PIK3C2G: variants seen among roughly 807,000 people sequenced by gnomAD.
PIK3C2G encodes phosphatidylinositol-4-phosphate 3-kinase catalytic subunit type 2 gamma.
In PIK3C2G, 168 loss-of-function variants were observed where a neutral mutation model predicts 181.1. The observed-to-expected ratio is 0.93, with a 90% confidence interval of 0.82 to 1.05. The LOEUF (loss-of-function observed/expected upper bound fraction) is 1.05. Ranked by LOEUF, PIK3C2G falls within the 50% of genes least tolerant of loss-of-function variation. The probability of loss-of-function intolerance (pLI) is 0.00; values close to 1 mark genes in which losing one functional copy is unlikely to be tolerated. For synonymous variants in PIK3C2G, 573 were observed against 592.2 expected (o/e 0.97, Z 0.47); for missense variants, 1,869 against 1,732.8 (o/e 1.08, Z -1.40).
intron 12 of PIK3C2G, among the ~76,000 whole-genome samples, chr12:18,370,036 A>T (rs1474476126): frequency 3.3e-5 from 5 of 150,896 alleles, no homozygotes; most frequent in African/African-American, 1.2e-4. Context: ...TTGACATATG[A>T]TCATATAACG....
At chr12:18,656,546 C>G in the PIK3C2G span, among the ~76,000 whole-genome samples, 1 of 152,146 alleles carries the variant, frequency 6.6e-6, no homozygotes, top group African/African-American at 2.4e-5. Context: ...GCCTGGGCGA[C>G]AGAGCGAGAC....
intron 12 of PIK3C2G, among the ~76,000 whole-genome samples, chr12:18,368,597 T>C (rs983767999): frequency 5.9e-5 from 9 of 152,234 alleles, no homozygotes; most frequent in Admixed American, 5.2e-4. Context: ...GTTAAAAATA[T>C]CTGTCGTAAT....
chr12:18,527,498 A>G (rs1159471906), intron 24 of PIK3C2G, among the ~76,000 whole-genome samples: 1 of 152,100 alleles, frequency 6.6e-6, no homozygotes, highest in Non-Finnish European at 1.5e-5. Flanking sequence ...TTCACCTTCA[A>G]CCTGATTTTA....
intron 26 of PIK3C2G, among the ~76,000 whole-genome samples, chr12:18,558,085 T>C (rs537610663): frequency 6.6e-6 from 1 of 152,136 alleles, no homozygotes; most frequent in Non-Finnish European, 1.5e-5. Context: ...AAAATAATCA[T>C]TCTTCTGGAT....
intron 31 of PIK3C2G, among the ~76,000 whole-genome samples, chr12:18,614,393 A>G (rs1948496398): frequency 1.3e-5 from 2 of 152,138 alleles, no homozygotes; most frequent in African/African-American, 4.8e-5. Context: ...AAAACCTGTT[A>G]TCAGTGACCT....
At chr12:18,290,049 T>G (rs1949622662) in intron 3 of PIK3C2G, among the ~76,000 whole-genome samples, 1 of 152,200 alleles carries the variant, frequency 6.6e-6, no homozygotes, top group Non-Finnish European at 1.5e-5. Flanking sequence ...TATATTGCTT[T>G]ATAATCTGTA....
intron 31 of PIK3C2G, among the ~76,000 whole-genome samples, chr12:18,634,835 A>C (rs1171868140): frequency 2.0e-5 from 3 of 152,220 alleles, no homozygotes; most frequent in Admixed American, 2.0e-4. Context: ...GTCACCCTTC[A>C]GTGAGCATTC....
chr12:18,508,982 A>C (rs555358977), intron 24 of PIK3C2G, among the ~76,000 whole-genome samples: 18 of 152,256 alleles, frequency 1.2e-4, no homozygotes, highest in African/African-American at 4.3e-4. Flanking sequence ...AAAAACATGG[A>C]AGGGAAAAGC....
In PIK3C2G at chr12:18,256,337, T is replaced by C. The variant is rs1194393783; in HGVS notation, c.-79+8255T>C. Among the ~76,000 whole-genome samples the C allele has an allele frequency of 2.0e-5, 3 of 152,172 alleles. No individual in the cohort carries two copies. The East Asian group carries it at 5.8e-4, about 29-fold the overall frequency. On this transcript the variant is annotated intron_variant, in intron 1 of 11. Coordinates refer to the PIK3C2G transcript ENST00000535651. ...GGGCAAATTATCATACCCAAAGACC[T>C]AACCCAGGCAGTGTTGCTATGCACG...
intron 24 of PIK3C2G, among the ~76,000 whole-genome samples, chr12:18,531,519 C>T (rs1362641073): frequency 6.6e-6 from 1 of 152,144 alleles, no homozygotes; most frequent in Admixed American, 6.6e-5. Flanking sequence ...TAGCCACATT[C>T]ACTTCCCTCT....
chr12:18,662,974 C>A, the PIK3C2G span, among the ~76,000 whole-genome samples: 79,561 of 151,658 alleles, frequency 0.52, 21,912 homozygotes, highest in South Asian at 0.67. Flanking sequence ...CATGTAGAAA[C>A]CAAATAGAAA....
intron 5 of PIK3C2G, among the ~76,000 whole-genome samples, chr12:18,298,590 C>A (rs185978892): frequency 1.9e-4 from 29 of 151,546 alleles, no homozygotes; most frequent in African/African-American, 7.0e-4. Context: ...GTTGCCTGTG[C>A]TTTTGAGGTA....
At chr12:18,259,327 T>C (rs1948179953), upstream of PIK3C2G, among the ~76,000 whole-genome samples, 1 of 152,134 alleles carries the variant, frequency 6.6e-6, no homozygotes, top group African/African-American at 2.4e-5. Flanking sequence ...ATGTATGAAA[T>C]ATGCAGGTAG....
intron 11 of PIK3C2G, among the ~76,000 whole-genome samples, chr12:18,351,148 A>T (rs1940180044): frequency 6.6e-6 from 1 of 152,124 alleles, no homozygotes; most frequent in Non-Finnish European, 1.5e-5. Context: ...GTAACAAAAA[A>T]TAAATATATT....
intron 5 of PIK3C2G, among the ~76,000 whole-genome samples, chr12:18,295,957 A>T (rs138995715): frequency 1.3e-5 from 2 of 152,270 alleles, no homozygotes; most frequent in African/African-American, 2.4e-5. Flanking sequence ...CTTTATACAG[A>T]GAACACAGGT....
At position 18,290,841 on chromosome 12, in the gene PIK3C2G, C is replaced by T; in HGVS notation, c.762-14C>T. The T allele has an allele frequency of 1.9e-6, 3 of 1,556,658 alleles. No individual in the cohort carries two copies. The highest frequency in any genetic ancestry group is 2.3e-5 in the East Asian group (1 of 44,412). ...GTCTTGTCCTAAGTATTTTTCTTAA[C>T]ATATGTTTTTCAGAATCAGAGAAAG... On this transcript the variant is annotated splice_polypyrimidine_tract_variant and intron_variant, in intron 3 of 32. Coordinates refer to ENST00000538779, the MANE Select transcript of PIK3C2G (RefSeq NM_001288772.2).
intron 14 of PIK3C2G, among the ~76,000 whole-genome samples, chr12:18,383,738 A>G (rs1399872252): frequency 1.1e-4 from 17 of 152,066 alleles, no homozygotes; most frequent in Admixed American, 4.6e-4. Context: ...TAGTTCCAGC[A>G]ATGTTGTAGA....
At chr12:18,530,688 G>C (rs1365417383) in intron 24 of PIK3C2G, among the ~76,000 whole-genome samples, 2 of 152,084 alleles carry the variant, frequency 1.3e-5, no homozygotes, top group Non-Finnish European at 2.9e-5. Context: ...TAGATCATGG[G>C]GGTGGATTTA....
chr12:18,453,111 G>A (rs1947452963), intron 18 of PIK3C2G, among the ~76,000 whole-genome samples: 1 of 152,146 alleles, frequency 6.6e-6, no homozygotes, highest in African/African-American at 2.4e-5. Flanking sequence ...CTCAAATCCT[G>A]AATATTCTTA....
Sources: allele counts gnomAD v4.1 joint callset (sites outside exome capture counted in the v4.1 genomes callset), GRCh38; gene constraint gnomAD v4.1.1; transcripts MANE v1.5; gene names NCBI Gene and HGNC (gene_info 2026-07-23, HGNC 2026-07-21).